SCFD2: variants seen among roughly 807,000 people sequenced by gnomAD.
SCFD2 encodes the protein sec1 family domain-containing protein 2.
Under a neutral mutation model 58.9 loss-of-function variants are expected in SCFD2, and 54 were observed. The observed-to-expected ratio is 0.92, with a 90% CI of 0.74 to 1.15. SCFD2 has a LOEUF of 1.15. Among genes scored for constraint, SCFD2 ranks in the 50% most tolerant of loss-of-function variants. The probability of loss-of-function intolerance (pLI) is 0.00; values close to 1 mark genes in which losing one functional copy is unlikely to be tolerated. For missense variants in SCFD2, 805 were observed against 836.6 expected, an observed-to-expected ratio of 0.96 and a Z score of 0.47; for synonymous variants, 321 against 335.9, an observed-to-expected ratio of 0.96 and a Z score of 0.49.
At chr4:53,169,767 T>C (rs1357892643) in intron 4 of SCFD2, among the ~76,000 whole-genome samples, 1 of 152,232 alleles carries the variant, frequency 6.6e-6, no homozygotes, top group African/African-American at 2.4e-5. Context: ...GGTTTTAACT[T>C]GTTTTCCTAA....
intron 4 of SCFD2, among the ~76,000 whole-genome samples, chr4:53,173,016 A>C (rs1279906940): frequency 6.6e-6 from 1 of 152,098 alleles, no homozygotes; most frequent in Admixed American, 6.5e-5. Context: ...TTTACTTTAT[A>C]TTTAGGTGCT....
rs1376357853 is a variant in SCFD2, at chr4:53,221,839, G to T, written c.1311+51987C>A. On this transcript the variant is annotated intron_variant, in intron 4 of 8. Transcript: ENST00000401642. ...AGATCCAGCAGCTCTACTACAGCTG[G>T]TGACATTTCCAGTCCTTGAACACCA... 3.9e-5 allele frequency among the ~76,000 whole-genome samples: 6 copies of T among 152,264 alleles called. No individual in the cohort carries two copies. In the East Asian group the frequency reaches 1.2e-3, roughly 29 times the overall value.
intron 4 of SCFD2, among the ~76,000 whole-genome samples, chr4:53,234,096 C>CCTGT (rs1474929150): frequency 6.6e-6 from 1 of 152,140 alleles, no homozygotes; most frequent in Non-Finnish European, 1.5e-5. Context: ...CCTACTTTGT[C>CCTGT]CTGTATCTTT....
intron 1 of SCFD2, among the ~76,000 whole-genome samples, chr4:53,363,820 C>T (rs1337934152): frequency 3.6e-5 from 4 of 112,212 alleles, no homozygotes; most frequent in African/African-American, 1.3e-4. Flanking sequence ...GAGAGAGACT[C>T]CGTCTCAAAA....
At chr4:52,950,569 T>C (rs1720564163) in intron 5 of SCFD2, 1 of 152,160 alleles carries the variant, frequency 6.6e-6, no homozygotes. Flanking sequence ...CTGTGTGACA[T>C]GTCAGACAAG....
intron 5 of SCFD2, among the ~76,000 whole-genome samples, chr4:53,002,444 C>T (rs1294968350): frequency 6.6e-6 from 1 of 152,118 alleles, no homozygotes; most frequent in Non-Finnish European, 1.5e-5. Context: ...CTATGAACAA[C>T]AGCAGCCTTG....
intron 2 of SCFD2, among the ~76,000 whole-genome samples, chr4:53,346,222 G>C (rs6554093): frequency 0.6 from 90,746 of 151,158 alleles, 27,391 homozygotes; most frequent in Middle Eastern, 0.66. Context: ...AGTAGATAAG[G>C]CTTTTCATGG....
At position 53,365,236 on chromosome 4, in the gene SCFD2, A is replaced by T. The variant is rs1734660282; in HGVS notation, c.706T>A (p.Cys236Ser). The T allele has an allele frequency of 2.5e-6, 4 of 1,613,678 alleles. No homozygotes were observed. The highest frequency in any genetic ancestry group is 3.4e-6 in the Non-Finnish European group (4 of 1,179,976). ...LCEHLGVREE[C>S]FAVGSLSQVI... is the part of the protein sequence containing the mutation. ...TGACTTAAGGAACCTACAGCAAAAC[A>T]CTCCTCCCGTACTCCTAAATGTTCA... is the stretch of plus-strand genomic sequence containing the variant. The change falls in exon 1 of 9, where the codon TGT (cysteine) becomes AGT (serine). Residue 236 changes from cysteine to serine, a missense_variant. Cys to Ser is a moderately radical substitution (Grantham distance 112). Around this residue, in one of 3 missense-constraint regions of SCFD2, gnomAD observed 633 missense variants for 646.8 expected, o/e 0.98. Coordinates refer to ENST00000401642, the MANE Select transcript of SCFD2 (RefSeq NM_152540.4). The surrounding 1 kb of genome is among the most constrained non-coding windows in gnomAD (Gnocchi z 4.3).
At chr4:53,217,035 T>C (rs1328936224) in intron 4 of SCFD2, among the ~76,000 whole-genome samples, 2 of 152,236 alleles carry the variant, frequency 1.3e-5, no homozygotes, top group Non-Finnish European at 2.9e-5. Flanking sequence ...TTCTGTTCTT[T>C]TACATTTGCT....
intron 5 of SCFD2, among the ~76,000 whole-genome samples, chr4:53,016,969 G>A (rs775908298): frequency 9.9e-5 from 15 of 152,240 alleles, no homozygotes; most frequent in African/African-American, 3.1e-4. Flanking sequence ...TTAGCCAGGC[G>A]TGGTGGTGCA....
intron 3 of SCFD2, among the ~76,000 whole-genome samples, chr4:53,301,957 T>C (rs1421150455): frequency 2.0e-5 from 3 of 152,122 alleles, no homozygotes; most frequent in Non-Finnish European, 2.9e-5. Context: ...TATCTCAAAA[T>C]AATAAGAGCT....
At chr4:53,303,890 A>G (rs1732422566) in intron 3 of SCFD2, among the ~76,000 whole-genome samples, 1 of 146,026 alleles carries the variant, frequency 6.8e-6, no homozygotes, top group Non-Finnish European at 1.5e-5. Flanking sequence ...CTCATAGGTG[A>G]GAATTGAACA....
At chr4:53,219,512 C>T (rs564174740) in intron 4 of SCFD2, among the ~76,000 whole-genome samples, 9 of 152,146 alleles carry the variant, frequency 5.9e-5, no homozygotes, top group Middle Eastern at 3.4e-3. Context: ...GGGAGTGAAC[C>T]GATTTTCCAG....
intron 4 of SCFD2, among the ~76,000 whole-genome samples, chr4:53,215,770 T>C (rs1207216627): frequency 6.6e-6 from 1 of 152,104 alleles, no homozygotes; most frequent in Admixed American, 6.6e-5. Context: ...CAGTATGATA[T>C]TGGCTGTGGG....
chr4:52,898,259 A>T (rs1446777317), intron 7 of SCFD2, among the ~76,000 whole-genome samples: 1 of 152,140 alleles, frequency 6.6e-6, no homozygotes, highest in African/African-American at 2.4e-5. Flanking sequence ...TGTCAATTTT[A>T]GATCTTTCCT....
At chr4:52,967,656 C>A (rs1720992101) in intron 5 of SCFD2, among the ~76,000 whole-genome samples, 1 of 152,176 alleles carries the variant, frequency 6.6e-6, no homozygotes, top group South Asian at 2.1e-4. Context: ...CCTGATAAGA[C>A]CACAAATGCA....
intron 5 of SCFD2, among the ~76,000 whole-genome samples, chr4:52,939,009 G>T (rs1048140835): frequency 1.3e-5 from 2 of 152,092 alleles, no homozygotes; most frequent in African/African-American, 4.8e-5. Context: ...CCTTTTACCT[G>T]CCTCAGTGAT....
At chr4:53,199,475 T>C (rs748406991) in intron 4 of SCFD2, among the ~76,000 whole-genome samples, 6 of 152,136 alleles carry the variant, frequency 3.9e-5, no homozygotes, top group Non-Finnish European at 5.9e-5. Context: ...TCCTGAGTGA[T>C]AAGAGTATCA....
At chr4:53,146,217 A>G (rs1462754982) in intron 4 of SCFD2, among the ~76,000 whole-genome samples, 1 of 152,120 alleles carries the variant, frequency 6.6e-6, no homozygotes, top group Non-Finnish European at 1.5e-5. Context: ...ATCTTCCACA[A>G]CTTCTCGAGT....
Sources: gnomAD v4.1 joint callset for allele counts (sites outside exome capture counted in the v4.1 genomes callset) on GRCh38, gnomAD v4.1.1 for gene constraint, gnomAD v4.1.1 regional missense constraint, Gnocchi (gnomAD v3.1) non-coding constraint, MANE v1.5 for transcripts, NCBI Gene and HGNC (gene_info 2026-07-23, HGNC 2026-07-21) for gene names.